Variants in NETO1 observed in about 807,000 individuals in gnomAD.
The protein encoded by NETO1 is neuropilin and tolloid like 1.
NETO1 carries 26 observed loss-of-function variants against 61.3 expected under a neutral mutation model. The ratio of observed to expected loss-of-function variants is 0.42; its 90% CI spans 0.31 to 0.59. The LOEUF is 0.59. Ranked by LOEUF, NETO1 falls within the 20% of genes least tolerant of loss-of-function variation. The probability of loss-of-function intolerance (pLI) is 0.12; values close to 1 mark genes in which losing one functional copy is unlikely to be tolerated. For missense variants in NETO1, 531 were observed against 662.8 expected (o/e 0.80, Z 2.18); for synonymous variants, 225 against 225.8 (o/e 1.00, Z 0.03).
chr18:72,770,940 C>A lies in NETO1; in HGVS notation c.868+12738G>T, dbSNP rs2071333233. Among the ~76,000 whole-genome samples, 5 of 152,060 alleles carry A rather than the reference C, an allele frequency of 3.3e-5. No individual in the cohort carries two copies. In the South Asian group the frequency reaches 1.0e-3, roughly 31 times the overall value. ...AATGTGTTAATTTATTTTTCCATAACTAACAAAGTTATTTAAACTCATCCC... is the reference window on the plus strand; with the variant it reads ...AATGTGTTAATTTATTTTTCCATAAATAACAAAGTTATTTAAACTCATCCC... On this transcript the variant is annotated intron_variant, in intron 7 of 10. Transcript: ENST00000327305.
At position 72,848,744 on chromosome 18, in the gene NETO1, GAC is replaced by G. The variant is rs112695174; in HGVS notation, c.469+10080_469+10081del. On this transcript the variant is annotated intron_variant, in intron 4 of 10. Coordinates refer to ENST00000327305, the MANE Select transcript of NETO1 (RefSeq NM_138966.5). Reference sequence around the variant, plus strand: ...TTTCTGCCTCCTGAGTCAGCCTACTGACACAGTAGCACACCTGCAGCTGAATA... The same window carrying G: ...TTTCTGCCTCCTGAGTCAGCCTACTGACAGTAGCACACCTGCAGCTGAATA... Among the ~76,000 whole-genome samples, 357 of 152,268 alleles carry G rather than the reference GAC, an allele frequency of 2.3e-3. 4 individuals are homozygous for G. The highest frequency in any genetic ancestry group is 8.3e-3 in the African/African-American group (346 of 41,544).
At chr18:72,849,504 A>G (rs2074188390) in intron 4 of NETO1, among the ~76,000 whole-genome samples, 1 of 152,220 alleles carries the variant, frequency 6.6e-6, no homozygotes, top group Non-Finnish European at 1.5e-5. Flanking sequence ...TTCTACTAAC[A>G]GTAAGTTTAA....
intron 7 of NETO1, among the ~76,000 whole-genome samples, chr18:72,773,298 T>C (rs561342422): frequency 6.6e-6 from 1 of 152,110 alleles, no homozygotes; most frequent in East Asian, 1.9e-4. Context: ...CCCAAGATAA[T>C]CCCCCTTCTT....
At chr18:72,856,520 A>G (rs944239857) in intron 4 of NETO1, among the ~76,000 whole-genome samples, 2 of 152,110 alleles carry the variant, frequency 1.3e-5, no homozygotes, top group Non-Finnish European at 2.9e-5. Flanking sequence ...AGAAATTCAT[A>G]AATATGCATT....
At chr18:72,832,493 G>C (rs150900824) in intron 4 of NETO1, among the ~76,000 whole-genome samples, 323 of 152,030 alleles carry the variant, frequency 2.1e-3, no homozygotes, top group African/African-American at 7.2e-3. Flanking sequence ...TACTTCAAAA[G>C]AATTAAAAAA....
chr18:72,812,964 A>G (rs2072915496), intron 4 of NETO1, among the ~76,000 whole-genome samples: 1 of 152,192 alleles, frequency 6.6e-6, no homozygotes, highest in East Asian at 1.9e-4. Context: ...TATTGATTAT[A>G]TAGTACTTTT....
chr18:72,766,258 A>G (rs2071157229), intron 7 of NETO1, among the ~76,000 whole-genome samples: 1 of 135,772 alleles, frequency 7.4e-6, no homozygotes, highest in Non-Finnish European at 1.6e-5. Flanking sequence ...GTGTGTGTGT[A>G]GCTTGCTACT....
At chr18:72,769,471 C>A (rs1345226376) in intron 7 of NETO1, among the ~76,000 whole-genome samples, 3 of 152,014 alleles carry the variant, frequency 2.0e-5, no homozygotes, top group Admixed American at 6.6e-5. Context: ...GTCAATTAAC[C>A]CAACATAGAA....
At chr18:72,759,810 C>A (rs563535452) in intron 7 of NETO1, among the ~76,000 whole-genome samples, 1 of 152,146 alleles carries the variant, frequency 6.6e-6, no homozygotes, top group Non-Finnish European at 1.5e-5. Flanking sequence ...GCTATTGTCC[C>A]TTATAAACCA....
chr18:72,786,375 A>G (rs1159413411), intron 6 of NETO1, among the ~76,000 whole-genome samples: 1 of 152,214 alleles, frequency 6.6e-6, no homozygotes, highest in Non-Finnish European at 1.5e-5. Flanking sequence ...GATGAGAAAG[A>G]ACAAAATCAG....
chr18:72,826,385 T>G (rs1376952454), intron 4 of NETO1, among the ~76,000 whole-genome samples: 1 of 152,194 alleles, frequency 6.6e-6, no homozygotes, highest in Non-Finnish European at 1.5e-5. Flanking sequence ...GGTTTTAATT[T>G]CAAATGTTTC....
intron 4 of NETO1, among the ~76,000 whole-genome samples, chr18:72,845,690 G>A (rs1244075100): frequency 1.3e-5 from 2 of 152,196 alleles, no homozygotes; most frequent in Admixed American, 6.5e-5. Context: ...TTCTGGGGAA[G>A]TATAGGTTAC....
intron 7 of NETO1, among the ~76,000 whole-genome samples, chr18:72,772,034 T>C (rs1053672069): frequency 2.0e-5 from 3 of 152,134 alleles, no homozygotes; most frequent in African/African-American, 7.2e-5. Flanking sequence ...CTAAGTTTGT[T>C]CAAGTTGTTG....
In NETO1 at chr18:72,745,986, A is replaced by C. The variant is rs2070422962; in HGVS notation, c.*2193T>G. 6.6e-6 allele frequency: 1 copy of C among 152,130 alleles called. No individual in the cohort carries two copies. The highest frequency in any genetic ancestry group is 1.5e-5 in the Non-Finnish European group (1 of 68,010). 9.4% of individuals were successfully genotyped at this position (152,130 alleles called of 1,614,324 possible). On this transcript the variant is annotated 3_prime_UTR_variant, in exon 11 of 11. Coordinates refer to ENST00000327305, the MANE Select transcript of NETO1 (RefSeq NM_138966.5). ...TATATGTGAGCTATTCATTCTTATT[A>C]TTATACTTCATTTAGTGTTTTTTTT...
chr18:72,751,564 C>T (rs1301053200), intron 8 of NETO1, among the ~76,000 whole-genome samples: 1 of 152,170 alleles, frequency 6.6e-6, no homozygotes, highest in Admixed American at 6.5e-5. Context: ...GTCTGGGGCT[C>T]CCGAGGTTCC....
At chr18:72,796,536 C>T (rs1196101653) in intron 4 of NETO1, among the ~76,000 whole-genome samples, 1 of 152,122 alleles carries the variant, frequency 6.6e-6, no homozygotes. Context: ...GGCTGGAGCG[C>T]AGTGATCTCG....
intron 4 of NETO1, among the ~76,000 whole-genome samples, chr18:72,824,541 G>A (rs1189431755): frequency 6.6e-6 from 1 of 152,162 alleles, no homozygotes; most frequent in African/African-American, 2.4e-5. Context: ...TTCATTACTT[G>A]AGACTAGAAG....
chr18:72,788,210 A>G (rs1415054039), intron 6 of NETO1, among the ~76,000 whole-genome samples: 11 of 152,192 alleles, frequency 7.2e-5, no homozygotes, highest in African/African-American at 2.4e-4. Context: ...TAAATAGAAC[A>G]CTAATTAGAG....
intron 3 of NETO1, among the ~76,000 whole-genome samples, chr18:72,860,875 C>G (rs1413794016): frequency 6.6e-6 from 1 of 151,992 alleles, no homozygotes; most frequent in Non-Finnish European, 1.5e-5. Context: ...CTAAGTATAG[C>G]GCTTGCATAC....
Sources: allele counts gnomAD v4.1 joint callset (sites outside exome capture counted in the v4.1 genomes callset), GRCh38; gene constraint gnomAD v4.1.1; transcripts MANE v1.5; gene names NCBI Gene and HGNC (gene_info 2026-07-23, HGNC 2026-07-21).